The following ATP10B variants were observed in gnomAD, a reference collection of about 807,000 sequenced individuals.
ATP10B encodes phospholipid-transporting ATPase VB.
In ATP10B, 122 loss-of-function variants were observed where a neutral mutation model predicts 141.2. That is an observed-to-expected ratio of 0.86 (90% confidence interval 0.75 to 1.00). The LOEUF (loss-of-function observed/expected upper bound fraction) is 1.00, where lower values mean the gene tolerates loss of function less well. Ranked by LOEUF, ATP10B falls within the 50% of genes least tolerant of loss-of-function variation. The probability of loss-of-function intolerance (pLI) is 0.00; values close to 1 mark genes in which losing one functional copy is unlikely to be tolerated. For synonymous variants in ATP10B, 685 were observed against 692.0 expected (o/e 0.99, Z 0.16); for missense variants, 1,876 against 1,825.3 (o/e 1.03, Z -0.51).
intron 1 of ATP10B, among the ~76,000 whole-genome samples, chr5:160,847,541 T>C (rs1776204287): frequency 6.6e-6 from 1 of 152,196 alleles, no homozygotes; most frequent in Non-Finnish European, 1.5e-5. Context: ...AACAAGAACC[T>C]GTGCTGTTAA....
chr5:160,821,095 A>G (rs1275811019), intron 1 of ATP10B, among the ~76,000 whole-genome samples: 1 of 152,176 alleles, frequency 6.6e-6, no homozygotes, highest in African/African-American at 2.4e-5. Flanking sequence ...AGATTATGTT[A>G]TCTTATATTT....
chr5:160,786,651 G>A (rs1771172294), intron 1 of ATP10B, among the ~76,000 whole-genome samples: 2 of 152,044 alleles, frequency 1.3e-5, no homozygotes, highest in Non-Finnish European at 2.9e-5. Flanking sequence ...TAACTTTACT[G>A]ACTTTAAACA....
chr5:160,677,014 CAGA>C (rs985673747), intron 6 of ATP10B, among the ~76,000 whole-genome samples: 40 of 152,220 alleles, frequency 2.6e-4, no homozygotes, highest in African/African-American at 9.4e-4. Flanking sequence ...GATTGAGCCT[CAGA>C]AGAAGGTGAC....
At chr5:160,760,412 G>A (rs1401357677) in intron 2 of ATP10B, among the ~76,000 whole-genome samples, 3 of 152,130 alleles carry the variant, frequency 2.0e-5, no homozygotes, top group African/African-American at 4.8e-5. Flanking sequence ...TGCTCCTAAT[G>A]TCCCAGTTGG....
chr5:160,840,615 G>A (rs925852135), intron 1 of ATP10B, among the ~76,000 whole-genome samples: 3 of 152,016 alleles, frequency 2.0e-5, no homozygotes, highest in Non-Finnish European at 4.4e-5. Context: ...ATATTGGTGA[G>A]TTCCCCTATA....
intron 1 of ATP10B, among the ~76,000 whole-genome samples, chr5:160,787,107 C>CACAG (rs1358900955): frequency 1.7e-3 from 30 of 17,300 alleles, no homozygotes; most frequent in African/African-American, 7.4e-3. Flanking sequence ...TTGACACAGA[C>CACAG]ACACACACAC....
chr5:160,664,932 T>C (rs1482547482), intron 7 of ATP10B, among the ~76,000 whole-genome samples: 1 of 152,204 alleles, frequency 6.6e-6, no homozygotes, highest in African/African-American at 2.4e-5. Context: ...TAAAACTCTT[T>C]TACAGAAGAG....
At chr5:160,652,741 T>C (rs1308781483) in intron 7 of ATP10B, among the ~76,000 whole-genome samples, 1 of 117,960 alleles carries the variant, frequency 8.5e-6, no homozygotes, top group South Asian at 2.4e-4. Flanking sequence ...CATATATTTA[T>C]GTACTATACA....
chr5:160,674,280 C>A (rs942080912), intron 6 of ATP10B, among the ~76,000 whole-genome samples: 1 of 152,170 alleles, frequency 6.6e-6, no homozygotes. Context: ...TCATTCTCCC[C>A]CTTTGTAATA....
At chr5:160,715,323 C>T (rs1457379376) in intron 3 of ATP10B, among the ~76,000 whole-genome samples, 10 of 132,488 alleles carry the variant, frequency 7.5e-5, no homozygotes, top group Admixed American at 6.8e-4. Flanking sequence ...CGTGGTGCGC[C>T]GTTTCTTAAG....
chr5:160,879,080 T>C, the ATP10B span, among the ~76,000 whole-genome samples: 1 of 68,750 alleles, frequency 1.5e-5, no homozygotes, highest in Non-Finnish European at 2.9e-5. Flanking sequence ...TAAAGACACA[T>C]GCACACGTAT....
At chr5:160,606,133 G>A (rs1040623708) in intron 19 of ATP10B, among the ~76,000 whole-genome samples, 3 of 152,180 alleles carry the variant, frequency 2.0e-5, no homozygotes, top group East Asian at 1.9e-4. Flanking sequence ...AGAAGATCAC[G>A]AAGATTCTTT....
At chr5:160,755,871 A>ATATATATG (rs1561820609) in intron 2 of ATP10B, among the ~76,000 whole-genome samples, 1 of 114,664 alleles carries the variant, frequency 8.7e-6, no homozygotes, top group East Asian at 2.5e-4. Flanking sequence ...ATATATATAT[A>ATATATATG]TATATATTAT....
chr5:160,733,282 TAG>T (rs778675869), intron 2 of ATP10B, among the ~76,000 whole-genome samples: 1 of 152,098 alleles, frequency 6.6e-6, no homozygotes, highest in South Asian at 2.1e-4. Flanking sequence ...ATGTGAAGAA[TAG>T]AGAGTGAATA....
chr5:160,824,776 T>C (rs540855204), intron 1 of ATP10B, among the ~76,000 whole-genome samples: 12 of 152,146 alleles, frequency 7.9e-5, no homozygotes, highest in Admixed American at 1.3e-4. Context: ...CAATCTTTCA[T>C]TGACTGAAAC....
intron 24 of ATP10B, among the ~76,000 whole-genome samples, chr5:160,571,937 G>A (rs180839908): frequency 4.3e-4 from 66 of 152,290 alleles, no homozygotes; most frequent in African/African-American, 1.5e-3. Flanking sequence ...GTACTTCTGA[G>A]TATATCCTTA....
At chr5:160,873,536 T>G in the ATP10B span, among the ~76,000 whole-genome samples, 4 of 152,216 alleles carry the variant, frequency 2.6e-5, no homozygotes, top group Non-Finnish European at 5.9e-5. Flanking sequence ...AGGAGCCAAG[T>G]TGGCCGAATA....
chr5:160,850,706 G>A (rs1165453105), intron 1 of ATP10B, among the ~76,000 whole-genome samples: 1 of 152,132 alleles, frequency 6.6e-6, no homozygotes, highest in Non-Finnish European at 1.5e-5. Flanking sequence ...AAGTCAGCAT[G>A]TGGGTTTCAA....
chr5:160,628,189 G>A (rs1242291869), intron 13 of ATP10B, among the ~76,000 whole-genome samples: 1 of 152,202 alleles, frequency 6.6e-6, no homozygotes, highest in Non-Finnish European at 1.5e-5. Context: ...TCCCAAACGG[G>A]GCATAAGCCC....
Sources: gnomAD v4.1 joint callset for allele counts (sites outside exome capture counted in the v4.1 genomes callset) on GRCh38, gnomAD v4.1.1 for gene constraint, MANE v1.5 for transcripts, NCBI Gene and HGNC (gene_info 2026-07-23, HGNC 2026-07-21) for gene names.